The following GRID1 variants were observed in gnomAD, a reference collection of about 807,000 sequenced individuals.
The protein encoded by GRID1 is glutamate receptor ionotropic, delta-1.
A neutral mutation model predicts 98.0 loss-of-function variants in GRID1; 28 were observed. The ratio of observed to expected loss-of-function variants is 0.29; its 90% confidence interval spans 0.21 to 0.39. The LOEUF (loss-of-function observed/expected upper bound fraction) is 0.39, where lower values mean the gene tolerates loss of function less well. GRID1 is among the 10% of genes least tolerant of loss of function. The probability of loss-of-function intolerance (pLI) is 1.00; values close to 1 mark genes in which losing one functional copy is unlikely to be tolerated. For missense variants in GRID1, 1,111 were observed against 1,340.5 expected (o/e 0.83, Z 2.67); for synonymous variants, 553 against 538.5 (o/e 1.03, Z -0.37).
chr10:86,147,163 G>T (rs1845100702), intron 3 of GRID1, among the ~76,000 whole-genome samples: 1 of 152,060 alleles, frequency 6.6e-6, no homozygotes, highest in Non-Finnish European at 1.5e-5. Flanking sequence ...TGGGAGGGAG[G>T]GCTCTCCTGT....
chr10:85,827,421 G>A (rs1842829938), intron 8 of GRID1, among the ~76,000 whole-genome samples: 1 of 151,998 alleles, frequency 6.6e-6, no homozygotes, highest in African/African-American at 2.4e-5. Context: ...AAATCAGTCA[G>A]ACAAAGACAG....
At chr10:85,897,621 CAAAT>C in intron 5 of GRID1, among the ~76,000 whole-genome samples, 1 of 152,040 alleles carries the variant, frequency 6.6e-6, no homozygotes, top group East Asian at 1.9e-4. Context: ...ATGATGGTGA[CAAAT>C]AAAATGTTAT....
chr10:86,359,611 T>C (rs1435541088), intron 2 of GRID1, among the ~76,000 whole-genome samples: 1 of 152,258 alleles, frequency 6.6e-6, no homozygotes, highest in Admixed American at 6.5e-5. Flanking sequence ...GCATTCCTTT[T>C]TTCTGCCTCT....
intron 5 of GRID1, among the ~76,000 whole-genome samples, chr10:85,873,046 T>A (rs891827949): frequency 6.6e-6 from 1 of 152,220 alleles, no homozygotes; most frequent in Non-Finnish European, 1.5e-5. Flanking sequence ...AGAAGTTTCA[T>A]GCCAGGCCCT....
intron 8 of GRID1, among the ~76,000 whole-genome samples, chr10:85,770,252 T>A (rs1186264983): frequency 6.6e-6 from 1 of 152,092 alleles, no homozygotes; most frequent in African/African-American, 2.4e-5. Flanking sequence ...TCCAACACAC[T>A]GGCAGCTGAG....
chr10:85,645,861 C>T (rs920273217), intron 13 of GRID1: 1 of 152,334 alleles, frequency 6.6e-6, no homozygotes, highest in African/African-American at 2.4e-5. Flanking sequence ...GTGCCCCAGC[C>T]TGTCATGGGA....
intron 8 of GRID1, among the ~76,000 whole-genome samples, chr10:85,846,414 C>T (rs1369808632): frequency 6.6e-6 from 1 of 152,122 alleles, no homozygotes; most frequent in African/African-American, 2.4e-5. Context: ...GTCCCAGCTA[C>T]TCGTGGGCCT....
At chr10:86,001,190 T>C (rs890686179) in intron 4 of GRID1, among the ~76,000 whole-genome samples, 1 of 152,118 alleles carries the variant, frequency 6.6e-6, no homozygotes, top group African/African-American at 2.4e-5. Context: ...AGGCTCAGGG[T>C]AGGAAAATGC....
intron 4 of GRID1, among the ~76,000 whole-genome samples, chr10:85,918,387 G>A (rs1489614443): frequency 6.6e-6 from 1 of 152,080 alleles, no homozygotes; most frequent in African/African-American, 2.4e-5. Context: ...AAAAGGAACA[G>A]ATAACACTTG....
At chr10:86,254,704 C>G (rs1484762795) in intron 2 of GRID1, among the ~76,000 whole-genome samples, 1 of 152,230 alleles carries the variant, frequency 6.6e-6, no homozygotes, top group Non-Finnish European at 1.5e-5. Flanking sequence ...AGGCTTCCAG[C>G]TGTGCTGCCA....
At position 86,253,870 on chromosome 10, in the gene GRID1, T is replaced by C. The variant is rs950455410; in HGVS notation, c.236-47222A>G. 2.0e-5 allele frequency among the ~76,000 whole-genome samples: 3 copies of C among 152,020 alleles called. No homozygotes were observed. The South Asian group carries it at 6.2e-4, about 32-fold the overall frequency. ...GTGACACTTGACACCGACCCTCACA[T>C]CTATGACAAAGCCATACCTTCCCTC... On this transcript the variant is annotated intron_variant, in intron 2 of 15. Coordinates refer to ENST00000327946, the MANE Select transcript of GRID1 (RefSeq NM_017551.3).
chr10:85,938,397 A>C (rs1368099304), intron 4 of GRID1, among the ~76,000 whole-genome samples: 1 of 152,182 alleles, frequency 6.6e-6, no homozygotes, highest in African/African-American at 2.4e-5. Flanking sequence ...TTTTCATCTT[A>C]TATATTTCAA....
intron 2 of GRID1, among the ~76,000 whole-genome samples, chr10:86,338,031 T>C (rs568869563): frequency 1.1e-4 from 16 of 152,290 alleles, no homozygotes; most frequent in African/African-American, 3.8e-4. Flanking sequence ...TAATTCCACC[T>C]GGTTTTGGAA....
At chr10:86,211,641 C>T (rs932413724) in intron 2 of GRID1, among the ~76,000 whole-genome samples, 2 of 152,020 alleles carry the variant, frequency 1.3e-5, no homozygotes, top group East Asian at 3.9e-4. Context: ...AGGTGAGGTA[C>T]TGGCCACTTC....
At chr10:85,811,091 C>A (rs1842667213) in intron 8 of GRID1, among the ~76,000 whole-genome samples, 1 of 152,198 alleles carries the variant, frequency 6.6e-6, no homozygotes, top group East Asian at 1.9e-4. Flanking sequence ...ATCACCACCA[C>A]AAATCCTCAC....
At chr10:85,795,702 C>A (rs559238174) in intron 8 of GRID1, among the ~76,000 whole-genome samples, 1 of 152,166 alleles carries the variant, frequency 6.6e-6, no homozygotes, top group Non-Finnish European at 1.5e-5. Context: ...ATCCTGGCAC[C>A]CATAATGCCC....
At chr10:85,953,749 G>A (rs548687466) in intron 4 of GRID1, among the ~76,000 whole-genome samples, 3 of 152,228 alleles carry the variant, frequency 2.0e-5, no homozygotes, top group East Asian at 1.9e-4. Context: ...GAAGGTACAG[G>A]CATAATTCCT....
At chr10:86,128,591 C>T (rs901472816) in intron 4 of GRID1, among the ~76,000 whole-genome samples, 4 of 152,112 alleles carry the variant, frequency 2.6e-5, no homozygotes, top group African/African-American at 9.7e-5. Context: ...GCACAGCAGG[C>T]AACAGGGAGG....
chr10:86,285,839 C>G (rs1847423674), intron 2 of GRID1, among the ~76,000 whole-genome samples: 1 of 152,134 alleles, frequency 6.6e-6, no homozygotes, highest in African/African-American at 2.4e-5. Context: ...TAATGGAAAC[C>G]AAATTTTTTT....
Sources: gnomAD v4.1 joint callset for allele counts (sites outside exome capture counted in the v4.1 genomes callset) on GRCh38, gnomAD v4.1.1 for gene constraint, MANE v1.5 for transcripts, NCBI Gene and HGNC (gene_info 2026-07-23, HGNC 2026-07-21) for gene names.